The following PPARGC1A variants were observed in gnomAD, a reference collection of about 807,000 sequenced individuals.
PPARGC1A encodes the protein PPARG coactivator 1 alpha, also known as peroxisome proliferator-activated receptor gamma coactivator 1-alpha.
A neutral mutation model predicts 88.7 loss-of-function variants in PPARGC1A; 25 were observed. The ratio of observed to expected loss-of-function variants is 0.28; its 90% CI spans 0.21 to 0.39. The LOEUF is 0.39. PPARGC1A is among the 10% of genes least tolerant of loss of function. PPARGC1A has a pLI of 1.00. For missense variants in PPARGC1A, 880 were observed against 968.7 expected (o/e 0.91, Z 1.22); for synonymous variants, 363 against 355.6 (o/e 1.02, Z -0.24).
At chr4:23,913,265 TATAGAGAGAGAGAGAGAG>T in the PPARGC1A span, among the ~76,000 whole-genome samples, 77 of 58,774 alleles carry the variant, frequency 1.3e-3, 1 homozygote, top group African/African-American at 5.9e-3. Context: ...TATATATATA[TATAGAGAGAGAGAGAGAG>T]AGAGAGAGAG....
chr4:24,414,037 C>G, the PPARGC1A span, among the ~76,000 whole-genome samples: 1 of 152,168 alleles, frequency 6.6e-6, no homozygotes, highest in Non-Finnish European at 1.5e-5. Flanking sequence ...CTCCAAAGCC[C>G]ATGCTCTGAA....
the PPARGC1A span, among the ~76,000 whole-genome samples, chr4:24,078,006 C>T: frequency 2.0e-5 from 3 of 151,842 alleles, no homozygotes; most frequent in Admixed American, 2.0e-4. Flanking sequence ...TTCCATAGTT[C>T]CTGTTCTTTA....
At chr4:24,404,403 A>C in the PPARGC1A span, among the ~76,000 whole-genome samples, 1 of 152,116 alleles carries the variant, frequency 6.6e-6, no homozygotes, top group African/African-American at 2.4e-5. Context: ...ATCAGCGTAC[A>C]GTGGCTAATA....
chr4:24,442,279 A>G, the PPARGC1A span, among the ~76,000 whole-genome samples: 1 of 152,220 alleles, frequency 6.6e-6, no homozygotes, highest in African/African-American at 2.4e-5. Flanking sequence ...AAAAACTCAA[A>G]AAGAAAAATG....
At chr4:23,798,178 C>T (rs60902745) in intron 12 of PPARGC1A, among the ~76,000 whole-genome samples, 45 of 152,262 alleles carry the variant, frequency 3.0e-4, no homozygotes, top group African/African-American at 9.9e-4. Flanking sequence ...CCGCCTGCAC[C>T]CAGGTGAAAT....
upstream of PPARGC1A, chr4:23,899,378 T>C (rs796501980): frequency 7.9e-5 from 12 of 152,352 alleles, no homozygotes; most frequent in East Asian, 1.9e-4. Flanking sequence ...ATCTCCTGCA[T>C]TGTGTTATGC....
chr4:24,386,922 C>T, the PPARGC1A span, among the ~76,000 whole-genome samples: 3 of 152,086 alleles, frequency 2.0e-5, no homozygotes, highest in Non-Finnish European at 4.4e-5. Context: ...AAACAGAGCC[C>T]GTATAGCAAA....
the PPARGC1A span, among the ~76,000 whole-genome samples, chr4:23,918,654 C>T: frequency 6.6e-6 from 1 of 152,134 alleles, no homozygotes; most frequent in East Asian, 1.9e-4. Flanking sequence ...AATATAAACC[C>T]ATTGCTCTGG....
chr4:23,918,896 T>C, the PPARGC1A span, among the ~76,000 whole-genome samples: 1 of 152,204 alleles, frequency 6.6e-6, no homozygotes, highest in Non-Finnish European at 1.5e-5. Context: ...ATTCCTATCC[T>C]ATACATTTCA....
At chr4:24,165,761 T>C in the PPARGC1A span, among the ~76,000 whole-genome samples, 1 of 152,150 alleles carries the variant, frequency 6.6e-6, no homozygotes, top group Non-Finnish European at 1.5e-5. Flanking sequence ...ACTTGATCAA[T>C]AAACGTGTGT....
chr4:24,387,764 GAGAGAAAGAA>G, the PPARGC1A span, among the ~76,000 whole-genome samples: 32 of 76,556 alleles, frequency 4.2e-4, no homozygotes, highest in African/African-American at 1.8e-3. Context: ...GAGAGAGAGA[GAGAGAAAGAA>G]AGAAAGAAAG....
the PPARGC1A span, among the ~76,000 whole-genome samples, chr4:24,151,299 G>T: frequency 6.6e-6 from 1 of 152,208 alleles, no homozygotes; most frequent in African/African-American, 2.4e-5. Context: ...GGTGCTGGCA[G>T]ATTTGGTTCC....
chr4:23,900,594 ACATTACAGT>A (rs1395620904), upstream of PPARGC1A, among the ~76,000 whole-genome samples: 14 of 152,230 alleles, frequency 9.2e-5, no homozygotes, highest in Non-Finnish European at 1.5e-5. Context: ...AAATCAAGCA[ACATTACAGT>A]AGATGCAAGT....
chr4:24,471,461 G>A, the PPARGC1A span, among the ~76,000 whole-genome samples: 11,414 of 152,218 alleles, frequency 0.075, 677 homozygotes, highest in African/African-American at 0.16. This position sits in a 1 kb window ranked among gnomAD's most constrained non-coding sequence, Gnocchi z 5.4. Flanking sequence ...CCAACAAGCG[G>A]TGGGGGCAGC....
At chr4:24,314,338 T>C in the PPARGC1A span, among the ~76,000 whole-genome samples, 2 of 152,234 alleles carry the variant, frequency 1.3e-5, no homozygotes, top group Non-Finnish European at 2.9e-5. Flanking sequence ...GATTAAGTCA[T>C]GAGGGTTCTG....
At chr4:24,145,138 C>T in the PPARGC1A span, among the ~76,000 whole-genome samples, 1 of 149,902 alleles carries the variant, frequency 6.7e-6, no homozygotes, top group African/African-American at 2.4e-5. Context: ...TATATGCATG[C>T]CAGGCACAGG....
chr4:24,245,811 A>G, the PPARGC1A span, among the ~76,000 whole-genome samples: 2 of 152,206 alleles, frequency 1.3e-5, no homozygotes, highest in Non-Finnish European at 2.9e-5. Context: ...TAATTTTGTA[A>G]TCATATCCCT....
At chr4:24,224,674 T>A in the PPARGC1A span, among the ~76,000 whole-genome samples, 1 of 151,834 alleles carries the variant, frequency 6.6e-6, no homozygotes, top group Non-Finnish European at 1.5e-5. Flanking sequence ...ATGGTGCAAA[T>A]GGGGGCAAAG....
At chr4:24,003,886 TA>T in the PPARGC1A span, among the ~76,000 whole-genome samples, 2 of 151,390 alleles carry the variant, frequency 1.3e-5, no homozygotes, top group Non-Finnish European at 2.9e-5. Flanking sequence ...ACGATTGAGA[TA>T]ACACATACGA....
Sources: allele counts gnomAD v4.1 joint callset (sites outside exome capture counted in the v4.1 genomes callset), GRCh38; gene constraint gnomAD v4.1.1; non-coding constraint Gnocchi (gnomAD v3.1); transcripts MANE v1.5; gene names NCBI Gene and HGNC (gene_info 2026-07-23, HGNC 2026-07-21).